Variants in TMEM217B observed in about 807,000 individuals in gnomAD.
The protein encoded by TMEM217B is putative transmembrane protein 217B.
At chr6:37,245,616 G>A in the TMEM217B span, among the ~76,000 whole-genome samples, 4 of 152,096 alleles carry the variant, frequency 2.6e-5, no homozygotes, top group Admixed American at 6.6e-5. Context: ...GAAATTCTCC[G>A]TATGTGGGAA....
At chr6:37,227,691 G>A in the TMEM217B span, among the ~76,000 whole-genome samples, 1 of 152,030 alleles carries the variant, frequency 6.6e-6, no homozygotes, top group Non-Finnish European at 1.5e-5. Context: ...TGATCCACCC[G>A]CCTCAGCCTC....
At chr6:37,218,893 T>C in the TMEM217B span, 3 of 1,614,076 alleles carry the variant, frequency 1.9e-6, no homozygotes, top group Non-Finnish European at 2.5e-6. Context: ...TGTACTTTGG[T>C]GTGATCTCAG....
the TMEM217B span, among the ~76,000 whole-genome samples, chr6:37,234,803 G>A: frequency 1.3e-5 from 2 of 151,926 alleles, no homozygotes; most frequent in Non-Finnish European, 2.9e-5. Context: ...TAAATAGGAG[G>A]GGAAATAGAA....
At chr6:37,227,486 A>G in the TMEM217B span, among the ~76,000 whole-genome samples, 1 of 152,024 alleles carries the variant, frequency 6.6e-6, no homozygotes, top group Non-Finnish European at 1.5e-5. Context: ...TCGCTCTGTC[A>G]CCCAGGCTGG....
chr6:37,253,373 A>C, the TMEM217B span, among the ~76,000 whole-genome samples: 5 of 152,192 alleles, frequency 3.3e-5, no homozygotes, highest in Admixed American at 6.5e-5. Flanking sequence ...TCTTAGAATA[A>C]ATTCTTAGGA....
At chr6:37,247,486 A>C in the TMEM217B span, among the ~76,000 whole-genome samples, 16 of 151,198 alleles carry the variant, frequency 1.1e-4, no homozygotes, top group Non-Finnish European at 7.4e-5. Flanking sequence ...CTCCCGGGTT[A>C]AAGCAATTCT....
At chr6:37,256,363 A>G in the TMEM217B span, among the ~76,000 whole-genome samples, 4 of 152,222 alleles carry the variant, frequency 2.6e-5, no homozygotes, top group Non-Finnish European at 5.9e-5. Flanking sequence ...ACAAAACATC[A>G]GCCTTAACAA....
chr6:37,251,962 C>T, the TMEM217B span, among the ~76,000 whole-genome samples: 7 of 152,118 alleles, frequency 4.6e-5, no homozygotes, highest in Non-Finnish European at 8.8e-5. Flanking sequence ...GGCACAATCT[C>T]GGCTCACTGC....
chr6:37,255,979 C>T, the TMEM217B span, among the ~76,000 whole-genome samples: 362 of 152,202 alleles, frequency 2.4e-3, 3 homozygotes, highest in African/African-American at 8.2e-3. Flanking sequence ...TTAACTACAC[C>T]CCCTGGGAAT....
the TMEM217B span, among the ~76,000 whole-genome samples, chr6:37,213,466 G>A: frequency 6.6e-6 from 1 of 152,220 alleles, no homozygotes; most frequent in Non-Finnish European, 1.5e-5. Flanking sequence ...CAAGTCCTTA[G>A]AAATTTCCCT....
At chr6:37,239,858 C>T in the TMEM217B span, among the ~76,000 whole-genome samples, 63 of 150,336 alleles carry the variant, frequency 4.2e-4, no homozygotes, top group Middle Eastern at 6.8e-3. Flanking sequence ...GGTTTCAGAC[C>T]AGCCTGGGCA....
the TMEM217B span, among the ~76,000 whole-genome samples, chr6:37,253,585 C>T: frequency 4.9e-3 from 749 of 152,332 alleles, 9 homozygotes; most frequent in African/African-American, 0.017. Flanking sequence ...CTTGACCTCA[C>T]TATCTCTTAG....
the TMEM217B span, among the ~76,000 whole-genome samples, chr6:37,247,433 G>A: frequency 6.7e-6 from 1 of 150,310 alleles, no homozygotes; most frequent in Non-Finnish European, 1.5e-5. Context: ...CTGTTGCCAG[G>A]CTGGAGTGCG....
chr6:37,216,879 T>G, the TMEM217B span, among the ~76,000 whole-genome samples: 1 of 152,196 alleles, frequency 6.6e-6, no homozygotes, highest in African/African-American at 2.4e-5. Flanking sequence ...GGACAGTGTT[T>G]GCACCATCTT....
the TMEM217B span, among the ~76,000 whole-genome samples, chr6:37,237,014 G>A: frequency 6.6e-6 from 1 of 152,240 alleles, no homozygotes; most frequent in East Asian, 1.9e-4. Context: ...TCCAGAATGA[G>A]TGTCCCAAAA....
At chr6:37,246,143 G>A in the TMEM217B span, among the ~76,000 whole-genome samples, 14 of 152,154 alleles carry the variant, frequency 9.2e-5, no homozygotes, top group South Asian at 2.1e-4. Flanking sequence ...TCTTGAAAGC[G>A]TATTCTTGGC....
At chr6:37,213,067 C>T in the TMEM217B span, 1 of 1,033,824 alleles carries the variant, frequency 9.7e-7, no homozygotes, top group South Asian at 1.6e-5. Flanking sequence ...CCCCAAGTCA[C>T]TAGATATAAA....
At chr6:37,218,500 G>A in the TMEM217B span, 3 of 1,614,018 alleles carry the variant, frequency 1.9e-6, no homozygotes, top group African/African-American at 2.7e-5. Flanking sequence ...TTTTATTTCT[G>A]CTGTGGAGAA....
chr6:37,249,068 T>C, the TMEM217B span, among the ~76,000 whole-genome samples: 10 of 152,232 alleles, frequency 6.6e-5, no homozygotes, highest in African/African-American at 2.4e-4. Context: ...ACAACACTTG[T>C]CATTGGATTT....
Sources: allele counts gnomAD v4.1 joint callset (sites outside exome capture counted in the v4.1 genomes callset), GRCh38; gene constraint gnomAD v4.1.1; transcripts MANE v1.5; gene names NCBI Gene and HGNC (gene_info 2026-07-23, HGNC 2026-07-21).